The following PTPRT variants were observed in gnomAD, a reference collection of about 807,000 sequenced individuals.
PTPRT encodes protein tyrosine phosphatase receptor type T.
In PTPRT, 56 loss-of-function variants were observed where a neutral mutation model predicts 176.8. That is an observed-to-expected ratio of 0.32 (90% confidence interval 0.26 to 0.40). The LOEUF (loss-of-function observed/expected upper bound fraction) is 0.40, where lower values mean the gene tolerates loss of function less well. Ranked by LOEUF, PTPRT falls within the 10% of genes least tolerant of loss-of-function variation. The pLI, the probability that PTPRT is intolerant of heterozygous loss-of-function variation, is 1.00. For synonymous variants in PTPRT, 783 were observed against 739.0 expected (o/e 1.06, Z -0.96); for missense variants, 1,540 against 1,908.2 (o/e 0.81, Z 3.60).
chr20:42,533,756 C>T (rs866559423), intron 7 of PTPRT, among the ~76,000 whole-genome samples: 4 of 152,202 alleles, frequency 2.6e-5, no homozygotes, highest in African/African-American at 4.8e-5. Context: ...ATTCTATAAA[C>T]GCATTTGCTG....
intron 6 of PTPRT, among the ~76,000 whole-genome samples, chr20:42,725,341 G>C (rs935539459): frequency 6.6e-6 from 1 of 151,972 alleles, no homozygotes; most frequent in Non-Finnish European, 1.5e-5. Flanking sequence ...ATGCTGTAAA[G>C]GAAAGAGCAG....
chr20:42,270,240 A>G (rs980242478), intron 13 of PTPRT, among the ~76,000 whole-genome samples: 1 of 126,178 alleles, frequency 7.9e-6, no homozygotes. Context: ...GGATGGGTGG[A>G]TGAATGAATG....
intron 1 of PTPRT, among the ~76,000 whole-genome samples, chr20:42,899,085 T>C (rs1234039694): frequency 2.0e-5 from 3 of 151,716 alleles, no homozygotes; most frequent in African/African-American, 4.8e-5. Context: ...ATTTTACAGG[T>C]GGACAAACAG....
At chr20:42,072,312 C>T (rs944332752), downstream of PTPRT, among the ~76,000 whole-genome samples, 5 of 152,210 alleles carry the variant, frequency 3.3e-5, no homozygotes, top group Non-Finnish European at 7.3e-5. Flanking sequence ...CAGCTTAGAT[C>T]AGAGAGTCTT....
Position 42,634,328 on chromosome 20 carries a change from C to T in PTPRT, c.1153+43538G>A, listed in dbSNP as rs141476508. 7.3e-4 allele frequency among the ~76,000 whole-genome samples: 109 copies of T among 148,754 alleles called. 1 individual carries two copies. The highest frequency in any genetic ancestry group is 2.5e-3 in the Admixed American group (35 of 14,278). On this transcript the variant is annotated intron_variant, in intron 7 of 30. Transcript: ENST00000373187. ...GAGGTAAGTATGAGTTGGTGCACTA[C>T]CCCCTATTTCTCTCTTTCTTTGTCA...
chr20:42,672,299 C>T (rs2075426926), intron 7 of PTPRT, among the ~76,000 whole-genome samples: 1 of 152,166 alleles, frequency 6.6e-6, no homozygotes, highest in Non-Finnish European at 1.5e-5. Flanking sequence ...GTCTACTGGC[C>T]TACATCTTTC....
chr20:42,920,017 G>A (rs1398433427), intron 1 of PTPRT, among the ~76,000 whole-genome samples: 2 of 152,186 alleles, frequency 1.3e-5, no homozygotes, highest in African/African-American at 4.8e-5. Context: ...TCAAAGCGGG[G>A]TGGTGAGCCC....
At chr20:42,452,603 C>G (rs553803145) in intron 8 of PTPRT, among the ~76,000 whole-genome samples, 1 of 152,098 alleles carries the variant, frequency 6.6e-6, no homozygotes, top group Non-Finnish European at 1.5e-5. Flanking sequence ...TCTATTCATT[C>G]ATTTGAGGGT....
rs984798582 is a variant in PTPRT, at chr20:42,432,005, A to G, written c.1560+16215T>C. Among the ~76,000 whole-genome samples the G allele has an allele frequency of 2.6e-5, 4 of 152,220 alleles. 1 individual carries two copies. The South Asian group carries it at 6.2e-4, about 24-fold the overall frequency. ...ACACACAGGGCCTTTAGGCATTGCA[A>G]CTGACAGCATGGCTGCTGCTGGGAG... is the stretch of plus-strand genomic sequence containing the variant. On this transcript the variant is annotated intron_variant, in intron 9 of 30. Coordinates refer to ENST00000373187, the MANE Select transcript of PTPRT (RefSeq NM_007050.6).
the PTPRT span, among the ~76,000 whole-genome samples, chr20:42,060,163 G>A: frequency 6.6e-6 from 1 of 152,116 alleles, no homozygotes; most frequent in South Asian, 2.1e-4. Flanking sequence ...TTAGACAATT[G>A]TCCAAGTCAT....
intron 7 of PTPRT, among the ~76,000 whole-genome samples, chr20:42,476,559 C>CT (rs2071293129): frequency 6.6e-6 from 1 of 152,086 alleles, no homozygotes; most frequent in Non-Finnish European, 1.5e-5. Flanking sequence ...TTACTGAAAT[C>CT]TTGGGAGATG....
chr20:42,760,413 T>C (rs2076899011), intron 5 of PTPRT, among the ~76,000 whole-genome samples: 1 of 137,904 alleles, frequency 7.3e-6, no homozygotes, highest in Non-Finnish European at 1.5e-5. Flanking sequence ...TTTTTACACA[T>C]GGGGCTGGGA....
At chr20:43,103,761 A>AATAATG (rs1568787162) in intron 1 of PTPRT, among the ~76,000 whole-genome samples, 1 of 150,388 alleles carries the variant, frequency 6.6e-6, no homozygotes. Flanking sequence ...TAATAATAAT[A>AATAATG]ATAATAATAA....
chr20:42,817,473 T>C (rs1017566224), intron 2 of PTPRT, among the ~76,000 whole-genome samples: 6 of 151,844 alleles, frequency 4.0e-5, no homozygotes, highest in African/African-American at 1.5e-4. Context: ...TGAATTAAAT[T>C]AAATTGTGAT....
At chr20:42,843,169 G>A (rs1451400737) in intron 2 of PTPRT, among the ~76,000 whole-genome samples, 1 of 152,190 alleles carries the variant, frequency 6.6e-6, no homozygotes, top group Non-Finnish European at 1.5e-5. Flanking sequence ...CTGCCTGTCT[G>A]AGATAAATGT....
At chr20:42,718,124 C>T (rs2076252914) in intron 6 of PTPRT, among the ~76,000 whole-genome samples, 1 of 152,206 alleles carries the variant, frequency 6.6e-6, no homozygotes, top group Non-Finnish European at 1.5e-5. Context: ...ACCAAAAACA[C>T]GTACAGAATA....
At chr20:43,037,046 A>G (rs1986410804) in intron 1 of PTPRT, among the ~76,000 whole-genome samples, 1 of 152,246 alleles carries the variant, frequency 6.6e-6, no homozygotes, top group Admixed American at 6.5e-5. Context: ...AACATACAAC[A>G]TTAGAAATTG....
At chr20:42,775,531 T>C (rs1600724335) in intron 4 of PTPRT, among the ~76,000 whole-genome samples, 1 of 152,110 alleles carries the variant, frequency 6.6e-6, no homozygotes. Context: ...CAACAGAGGG[T>C]AACTAAGGAT....
Position 42,239,855 on chromosome 20 carries a change from G to C in PTPRT, c.2313-3597C>G, listed in dbSNP as rs370175535. ...CTCTTTCAATCCTCCCCACAACCCT[G>C]AGGAGCAGATATAATTACTCTCACG... On this transcript the variant is annotated intron_variant, in intron 14 of 30. Transcript: ENST00000373187. 2.6e-5 allele frequency among the ~76,000 whole-genome samples: 4 copies of C among 152,246 alleles called. No individual in the cohort carries two copies. In the East Asian group the frequency reaches 5.8e-4, roughly 22 times the overall value.
Sources: allele counts gnomAD v4.1 joint callset (sites outside exome capture counted in the v4.1 genomes callset), GRCh38; gene constraint gnomAD v4.1.1; transcripts MANE v1.5; gene names NCBI Gene and HGNC (gene_info 2026-07-23, HGNC 2026-07-21).